ABLIM2: variants seen among roughly 807,000 people sequenced by gnomAD.
The protein encoded by ABLIM2 is actin binding LIM protein family member 2, also known as actin-binding LIM protein 2.
In ABLIM2, 53 loss-of-function variants were observed where a neutral mutation model predicts 97.7. That is an observed-to-expected ratio of 0.54 (90% CI 0.44 to 0.68). The LOEUF (loss-of-function observed/expected upper bound fraction) is 0.68, where lower values mean the gene tolerates loss of function less well. ABLIM2 is among the 30% of genes least tolerant of loss of function. The pLI, the probability that ABLIM2 is intolerant of heterozygous loss-of-function variation, is 0.00. For missense variants in ABLIM2, 835 were observed against 867.2 expected (o/e 0.96, Z 0.47); for synonymous variants, 361 against 345.8 (o/e 1.04, Z -0.49).
At chr4:8,139,016 G>A (rs1471978826) in intron 1 of ABLIM2, among the ~76,000 whole-genome samples, 2 of 152,234 alleles carry the variant, frequency 1.3e-5, no homozygotes, top group Non-Finnish European at 2.9e-5. Flanking sequence ...GGCCAACATG[G>A]CGAAACGCCG....
In ABLIM2 at chr4:7,992,615, A is replaced by C. The variant is rs1166649037; in HGVS notation, c.1680+251T>G. 6.6e-6 allele frequency among the ~76,000 whole-genome samples: 1 copy of C among 151,990 alleles called. No individual in the cohort carries two copies. The highest frequency in any genetic ancestry group is 1.5e-5 in the Non-Finnish European group (1 of 67,986). ...GCCCTTGTCTCCCCTGCTCCCACACACTGAGCTCTCCCTGGGGTCGGGGGC... is the reference window on the plus strand; with the variant it reads ...GCCCTTGTCTCCCCTGCTCCCACACCCTGAGCTCTCCCTGGGGTCGGGGGC... On this transcript the variant is annotated intron_variant, in intron 17 of 20. Coordinates refer to ENST00000447017, the MANE Select transcript of ABLIM2 (RefSeq NM_001130083.2). The surrounding 1 kb of genome is among the most constrained non-coding windows in gnomAD (Gnocchi z 5.7).
At position 8,097,299 on chromosome 4, in the gene ABLIM2, G is replaced by A. The variant is rs1349264574; in HGVS notation, c.155-17C>T. On this transcript the variant is annotated splice_polypyrimidine_tract_variant and intron_variant, in intron 2 of 20. Coordinates refer to ENST00000447017, the MANE Select transcript of ABLIM2 (RefSeq NM_001130083.2). ...AGCCACATGCTGGGGGAGGACGGGCGAGGTGGCGTTAGCGGCAGAGGGGAC... is the reference window on the plus strand; with the variant it reads ...AGCCACATGCTGGGGGAGGACGGGCAAGGTGGCGTTAGCGGCAGAGGGGAC... 4.5e-6 allele frequency: 7 copies of A among 1,552,962 alleles called. No individual in the cohort carries two copies. The highest frequency in any genetic ancestry group is 1.2e-5 in the South Asian group (1 of 84,136).
intron 3 of ABLIM2, among the ~76,000 whole-genome samples, chr4:8,092,429 C>A (rs1206755617): frequency 6.6e-6 from 1 of 152,154 alleles, no homozygotes; most frequent in African/African-American, 2.4e-5. Context: ...TTCCAGAGAA[C>A]TGTAGTTTCA....
chr4:7,994,520 C>T (rs1296900894), intron 16 of ABLIM2, among the ~76,000 whole-genome samples: 12 of 53,454 alleles, frequency 2.2e-4, no homozygotes, highest in African/African-American at 5.6e-4. Flanking sequence ...TGGGTTGGTT[C>T]CAAGTCTTTG....
In ABLIM2 at chr4:8,131,696, CAGCACAGCAGCCCGCATCCCTG is replaced by C. The variant is rs1386511645; in HGVS notation, c.11-25081_11-25060del. Among the ~76,000 whole-genome samples the C allele has an allele frequency of 5.7e-4, 50 of 87,292 alleles. 2 individuals carry two copies. Among genetic ancestry groups the C allele is most frequent in the Non-Finnish European group, 3.0e-4 (13 of 43,746 alleles). The allele number at this position is 87,292 out of a possible 152,430, so 57.3% of individuals were successfully genotyped here. On this transcript the variant is annotated intron_variant, in intron 1 of 20. Coordinates refer to ENST00000447017, the MANE Select transcript of ABLIM2 (RefSeq NM_001130083.2). ...CCCTGAGCACAGCAGCCCGCATCCCCAGCACAGCAGCCCGCATCCCTGAGCACAGCAGCCCGCATCCCCAGCA... is the reference window on the plus strand; with the variant it reads ...CCCTGAGCACAGCAGCCCGCATCCCCAGCACAGCAGCCCGCATCCCCAGCA...
intron 7 of ABLIM2, among the ~76,000 whole-genome samples, chr4:8,057,640 G>T (rs940152841): frequency 6.6e-6 from 1 of 152,316 alleles, no homozygotes; most frequent in Non-Finnish European, 1.5e-5. Flanking sequence ...GTGGGAAAAA[G>T]GAGTATCTCA....
rs1474243479 is a variant in ABLIM2, at chr4:8,128,417, C to T, written c.11-21780G>A. On this transcript the variant is annotated intron_variant, in intron 1 of 20. Transcript: ENST00000447017. This position sits in a 1 kb window ranked among gnomAD's most constrained non-coding sequence, Gnocchi z 4.9. ...CATAGGATGCGTTGCACCTGCACAC[C>T]CAGTACAGCTGCCTGCAGCTCGCAA... Among the ~76,000 whole-genome samples, 1 of 152,194 alleles carries T rather than the reference C, an allele frequency of 6.6e-6. No individual in the cohort carries two copies. The highest frequency in any genetic ancestry group is 1.9e-4 in the East Asian group (1 of 5,192).
chr4:8,072,259 A>G lies in ABLIM2; in HGVS notation c.675+5369T>C, dbSNP rs1812732282. ...CACCCCAAATTCTGTATTTGGCATTAAATATCAGGGATGCTTACATTGCAG... is the reference window on the plus strand; with the variant it reads ...CACCCCAAATTCTGTATTTGGCATTGAATATCAGGGATGCTTACATTGCAG... On this transcript the variant is annotated intron_variant, in intron 6 of 20. Transcript: ENST00000447017. This position sits in a 1 kb window ranked among gnomAD's most constrained non-coding sequence, Gnocchi z 5.8. Among the ~76,000 whole-genome samples, 1 of 152,192 alleles carries G rather than the reference A, an allele frequency of 6.6e-6. No homozygotes were observed. Among genetic ancestry groups the G allele is most frequent in the African/African-American group, 2.4e-5 (1 of 41,454 alleles).
Position 8,130,412 on chromosome 4 carries a change from T to C in ABLIM2, c.11-23775A>G, listed in dbSNP as rs1849192515. On this transcript the variant is annotated intron_variant, in intron 1 of 20. Transcript: ENST00000447017. The surrounding 1 kb of genome is among the most constrained non-coding windows in gnomAD (Gnocchi z 4.2). Reference sequence around the variant, plus strand: ...AGTCCTGCCTGGGCCCTCAGGGTCCTCTTGGCTCAAGACCAACAACTGCAG... The same window carrying C: ...AGTCCTGCCTGGGCCCTCAGGGTCCCCTTGGCTCAAGACCAACAACTGCAG... 6.6e-6 allele frequency among the ~76,000 whole-genome samples: 1 copy of C among 152,210 alleles called. No homozygotes were observed. Among genetic ancestry groups the C allele is most frequent in the Non-Finnish European group, 1.5e-5 (1 of 68,026 alleles).
intron 1 of ABLIM2, among the ~76,000 whole-genome samples, chr4:8,110,174 C>G (rs1839615032): frequency 1.3e-5 from 2 of 152,260 alleles, no homozygotes; most frequent in Non-Finnish European, 2.9e-5. Context: ...TCAGTCAGAG[C>G]TCACAGGGGT....
rs1002284489 is a variant in ABLIM2 at position 8,013,015 on chromosome 4, C to T, written c.1424-3913G>A. On this transcript the variant is annotated intron_variant, in intron 14 of 20. Coordinates refer to ENST00000447017, the MANE Select transcript of ABLIM2 (RefSeq NM_001130083.2). ...ATGGGGGATGCAGAAAAAACTCAGA[C>T]ATGACCCTTGTCTTTCAGAAGCTCA... is the stretch of plus-strand genomic sequence containing the variant. Among the ~76,000 whole-genome samples the T allele has an allele frequency of 3.9e-5, 6 of 152,286 alleles. No individual in the cohort carries two copies. The East Asian group carries it at 9.6e-4, about 24-fold the overall frequency.
intron 10 of ABLIM2, among the ~76,000 whole-genome samples, chr4:8,030,413 C>T (rs111792552): frequency 7.2e-5 from 11 of 152,278 alleles, no homozygotes; most frequent in African/African-American, 1.7e-4. Context: ...CATGCTGTCC[C>T]GGGTCATTAC....
At chr4:7,982,232 G>C (rs1262480845) in intron 20 of ABLIM2, among the ~76,000 whole-genome samples, 1 of 131,824 alleles carries the variant, frequency 7.6e-6, no homozygotes, top group African/African-American at 2.8e-5. Context: ...CCACTGCCTG[G>C]TGGGCAGTTT....
In ABLIM2 at chr4:8,067,460, G is replaced by A. The variant is rs940440109; in HGVS notation, c.676-6406C>T. 2.6e-4 allele frequency: 39 copies of A among 152,400 alleles called. No homozygotes were observed. Among genetic ancestry groups the A allele is most frequent in the African/African-American group, 9.4e-4 (39 of 41,466 alleles). 9.4% of individuals were successfully genotyped at this position (152,400 alleles called of 1,614,324 possible). On this transcript the variant is annotated intron_variant, in intron 6 of 20. Transcript: ENST00000447017. The surrounding 1 kb of genome is among the most constrained non-coding windows in gnomAD (Gnocchi z 5.4). ...ACAGCAGAGTTAGAGCCAAGTCTGAGCCAGTGCCAGCTCTGCACCCTTTCC... is the reference window on the plus strand; with the variant it reads ...ACAGCAGAGTTAGAGCCAAGTCTGAACCAGTGCCAGCTCTGCACCCTTTCC...
chr4:7,989,072 C>CTTTTTTTTTTTTTTTTTTT (rs71175445), intron 17 of ABLIM2, among the ~76,000 whole-genome samples: 1 of 81,330 alleles, frequency 1.2e-5, no homozygotes. Context: ...ACACATTAGT[C>CTTTTTTTTTTTTTTTTTTT]TTTTTTTTTT....
At chr4:8,135,857 G>C (rs1326404276) in intron 1 of ABLIM2, among the ~76,000 whole-genome samples, 1 of 152,226 alleles carries the variant, frequency 6.6e-6, no homozygotes, top group East Asian at 1.9e-4. Flanking sequence ...CACTTCACAG[G>C]TGGTGAAGAG....
chr4:8,031,683 G>T (rs1275901857), intron 10 of ABLIM2, among the ~76,000 whole-genome samples: 1 of 152,020 alleles, frequency 6.6e-6, no homozygotes, highest in Non-Finnish European at 1.5e-5. Context: ...GAAAATCACA[G>T]AACTTGCCTC....
intron 20 of ABLIM2, among the ~76,000 whole-genome samples, chr4:7,981,720 G>T (rs547492315): frequency 6.6e-6 from 1 of 152,316 alleles, no homozygotes. Context: ...TGTACCGAGG[G>T]AGTGCTATTT....
intron 11 of ABLIM2, 62 bp downstream of exon 11, chr4:8,029,586 TAAAAAAAA>T: frequency 2.9e-6 from 3 of 1,050,030 alleles, no homozygotes; most frequent in Non-Finnish European, 2.3e-6. Context: ...AAAAAAAAAC[TAAAAAAAA>T]AAAAAAAAAA....
Sources: allele counts gnomAD v4.1 joint callset (sites outside exome capture counted in the v4.1 genomes callset), GRCh38; gene constraint gnomAD v4.1.1; non-coding constraint Gnocchi (gnomAD v3.1); transcripts MANE v1.5; gene names NCBI Gene and HGNC (gene_info 2026-07-23, HGNC 2026-07-21).